Variants in ZFAND3 observed in about 807,000 individuals in gnomAD.
ZFAND3 encodes the protein zinc finger AN1-type containing 3, also known as AN1-type zinc finger protein 3.
Under a neutral mutation model 29.6 loss-of-function variants are expected in ZFAND3, and 10 were observed. The ratio of observed to expected loss-of-function variants is 0.34; its 90% CI spans 0.21 to 0.57. ZFAND3 has a LOEUF of 0.57. ZFAND3 is among the 20% of genes least tolerant of loss of function. ZFAND3 has a pLI of 0.86. For synonymous variants in ZFAND3, 128 were observed against 112.6 expected, an observed-to-expected ratio of 1.14 and a Z score of -0.87; for missense variants, 230 against 304.5, an observed-to-expected ratio of 0.76 and a Z score of 1.82.
chr6:38,088,875 A>G (rs1764808364), intron 4 of ZFAND3, among the ~76,000 whole-genome samples: 1 of 152,194 alleles, frequency 6.6e-6, no homozygotes, highest in Admixed American at 6.5e-5. Flanking sequence ...AAAGCAGATG[A>G]GACTAAGAAC....
intron 2 of ZFAND3, among the ~76,000 whole-genome samples, chr6:38,019,458 CTG>C (rs1371612201): frequency 6.6e-6 from 1 of 152,042 alleles, no homozygotes; most frequent in Admixed American, 6.6e-5. Flanking sequence ...CTTTTCTATA[CTG>C]TGTGTTGCAA....
At chr6:37,855,363 G>A (rs978936547) in intron 1 of ZFAND3, among the ~76,000 whole-genome samples, 3 of 150,804 alleles carry the variant, frequency 2.0e-5, no homozygotes, top group African/African-American at 4.9e-5. Context: ...TGTTGGCCAG[G>A]CTAGTCTCGA....
intron 2 of ZFAND3, among the ~76,000 whole-genome samples, chr6:38,010,590 G>A (rs1169999825): frequency 6.8e-6 from 1 of 147,858 alleles, no homozygotes; most frequent in Non-Finnish European, 1.5e-5. Context: ...TTGCTTTTAC[G>A]CCCCCAACCT....
intron 1 of ZFAND3, among the ~76,000 whole-genome samples, chr6:37,897,814 A>T (rs184115098): frequency 6.6e-6 from 1 of 152,158 alleles, no homozygotes; most frequent in Non-Finnish European, 1.5e-5. Context: ...CTTTTGTCCA[A>T]TTTAAATTGG....
At chr6:37,896,600 C>T (rs1445226349) in intron 1 of ZFAND3, among the ~76,000 whole-genome samples, 2 of 128,676 alleles carry the variant, frequency 1.6e-5, no homozygotes, top group African/African-American at 3.0e-5. Flanking sequence ...CTTTTTCTTT[C>T]TCTCTCTCTT....
At chr6:37,918,341 C>T (rs187799830) in intron 1 of ZFAND3, among the ~76,000 whole-genome samples, 4 of 152,214 alleles carry the variant, frequency 2.6e-5, no homozygotes, top group Non-Finnish European at 4.4e-5. Context: ...TCCCAAAGTG[C>T]GAGGATTACA....
chr6:37,886,609 G>C, intron 1 of ZFAND3, among the ~76,000 whole-genome samples: 1 of 152,292 alleles, frequency 6.6e-6, no homozygotes, highest in Middle Eastern at 3.4e-3. Context: ...GCTCAGTAAA[G>C]CTATTAAGAA....
chr6:38,137,548 A>G (rs1765865326), intron 5 of ZFAND3, among the ~76,000 whole-genome samples: 1 of 152,238 alleles, frequency 6.6e-6, no homozygotes, highest in South Asian at 2.1e-4. Flanking sequence ...AAAACTGACA[A>G]AAGTCCCTGA....
Position 38,124,383 on chromosome 6 carries a change from C to T in ZFAND3, c.529+7644C>T, listed in dbSNP as rs1025385433. Among the ~76,000 whole-genome samples the T allele has an allele frequency of 5.3e-5, 8 of 152,190 alleles. No homozygotes were observed. The South Asian group carries it at 1.2e-3, about 24-fold the overall frequency. On this transcript the variant is annotated intron_variant, in intron 5 of 5. Transcript: ENST00000287218. ...CCGGGCGCCATGGAGCAGGGGGCGG[C>T]GCTCCTAGGGGAGGCTCGGGGCTGC...
intron 1 of ZFAND3, among the ~76,000 whole-genome samples, chr6:37,871,262 G>A (rs888124945): frequency 2.6e-5 from 4 of 152,060 alleles, no homozygotes; most frequent in African/African-American, 4.8e-5. Context: ...TCCAGTGAAT[G>A]TTCTTATTTT....
intron 2 of ZFAND3, among the ~76,000 whole-genome samples, chr6:37,976,544 A>C (rs1762481029): frequency 7.0e-6 from 1 of 143,348 alleles, no homozygotes; most frequent in South Asian, 2.2e-4. Flanking sequence ...AGATTGCGCC[A>C]CTGCACTCCA....
intron 3 of ZFAND3, among the ~76,000 whole-genome samples, chr6:38,064,308 T>A: frequency 6.6e-6 from 1 of 152,208 alleles, no homozygotes; most frequent in Non-Finnish European, 1.5e-5. Flanking sequence ...ATTGAGCACT[T>A]TGTATATGAG....
At chr6:37,841,673 C>G (rs576309399) in intron 1 of ZFAND3, among the ~76,000 whole-genome samples, 1 of 152,096 alleles carries the variant, frequency 6.6e-6, no homozygotes, top group Admixed American at 6.6e-5. Flanking sequence ...TTATTAGAGA[C>G]GGGGTTTCAC....
intron 4 of ZFAND3, among the ~76,000 whole-genome samples, chr6:38,097,306 T>G (rs1765003596): frequency 6.6e-6 from 1 of 151,694 alleles, no homozygotes; most frequent in African/African-American, 2.4e-5. Flanking sequence ...AGGTTGGTCT[T>G]GAACTTTTGC....
At chr6:37,862,341 C>T (rs1264307174) in intron 1 of ZFAND3, among the ~76,000 whole-genome samples, 2 of 151,968 alleles carry the variant, frequency 1.3e-5, no homozygotes, top group African/African-American at 2.4e-5. Context: ...GATTCATGTA[C>T]ATTTTGATAT....
chr6:38,126,948 AAT>A lies in ZFAND3; in HGVS notation c.529+10214_529+10215del, dbSNP rs537762562. 4.8e-3 allele frequency among the ~76,000 whole-genome samples: 731 copies of A among 152,122 alleles called. 8 individuals carry two copies. The highest frequency in any genetic ancestry group is 0.017 in the African/African-American group (700 of 41,506). On this transcript the variant is annotated intron_variant, in intron 5 of 5. Coordinates refer to ENST00000287218, the MANE Select transcript of ZFAND3 (RefSeq NM_021943.3). ...GTTTTTTTTTTTGCTACCACTTAGAAATATATCATTTTATATCACTTTTTGAA... is the reference window on the plus strand; with the variant it reads ...GTTTTTTTTTTTGCTACCACTTAGAAATATCATTTTATATCACTTTTTGAA...
At chr6:38,050,250 T>A (rs571040633) in intron 2 of ZFAND3, among the ~76,000 whole-genome samples, 1 of 152,160 alleles carries the variant, frequency 6.6e-6, no homozygotes, top group Non-Finnish European at 1.5e-5. Context: ...TCACCGTGCC[T>A]GGCCAAGAAG....
Position 38,041,631 on chromosome 6 carries a change from T to TTCTTCTTC in ZFAND3, c.113-19961_113-19960insCTTCTTCT, listed in dbSNP as rs1561976605. ...GTCACCACTGTTTTTTTATCTACTT[T>TTCTTCTTC]TTCTTCTTCTTCTTCTTCTTCTTCT... On this transcript the variant is annotated intron_variant, in intron 2 of 5. Coordinates refer to ENST00000287218, the MANE Select transcript of ZFAND3 (RefSeq NM_021943.3). 3.6e-4 allele frequency among the ~76,000 whole-genome samples: 20 copies of TTCTTCTTC among 56,248 alleles called. 2 individuals are homozygous for TTCTTCTTC. The highest frequency in any genetic ancestry group is 9.8e-4 in the African/African-American group (18 of 18,280). 36.9% of individuals were successfully genotyped at this position (56,248 alleles called of 152,430 possible).
intron 5 of ZFAND3, among the ~76,000 whole-genome samples, chr6:38,124,386 T>A (rs1292666742): frequency 6.6e-6 from 1 of 152,140 alleles, no homozygotes; most frequent in Non-Finnish European, 1.5e-5. Context: ...GGGGCGGCGC[T>A]CCTAGGGGAG....
Sources: allele counts gnomAD v4.1 joint callset (sites outside exome capture counted in the v4.1 genomes callset), GRCh38; gene constraint gnomAD v4.1.1; transcripts MANE v1.5; gene names NCBI Gene and HGNC (gene_info 2026-07-23, HGNC 2026-07-21).